ENDOU: variants seen among roughly 807,000 people sequenced by gnomAD.
The protein encoded by ENDOU is endonuclease, poly(U) specific.
ENDOU carries 49 observed loss-of-function variants against 54.2 expected under a neutral mutation model. That is an observed-to-expected ratio of 0.90 (90% CI 0.72 to 1.15). The LOEUF is 1.15. Among genes scored for constraint, ENDOU ranks in the 50% most tolerant of loss-of-function variants. The pLI is 0.00. For missense variants in ENDOU, 458 were observed against 511.4 expected, an observed-to-expected ratio of 0.90 and a Z score of 1.01; for synonymous variants, 172 against 190.5, an observed-to-expected ratio of 0.90 and a Z score of 0.80.
intron 1 of ENDOU, among the ~76,000 whole-genome samples, chr12:47,724,477 C>T (rs572173058): frequency 2.6e-5 from 4 of 152,316 alleles, no homozygotes; most frequent in South Asian, 4.1e-4. Context: ...AGCGAATTTC[C>T]AGTTCACTGA....
intron 6 of ENDOU, among the ~76,000 whole-genome samples, chr12:47,715,085 C>T (rs1940179575): frequency 6.6e-6 from 1 of 152,144 alleles, no homozygotes; most frequent in South Asian, 2.1e-4. Context: ...AAATAAATTG[C>T]CCAGGGTCAA....
At chr12:47,717,717 A>C (rs759406833) in intron 3 of ENDOU, 62 bp from the exon 4 acceptor site, 217 of 1,562,758 alleles carry the variant, frequency 1.4e-4, no homozygotes, top group Non-Finnish European at 1.8e-4. Context: ...AACGCCCCAC[A>C]GGCTGTCGCT....
intron 1 of ENDOU, among the ~76,000 whole-genome samples, chr12:47,722,088 G>A (rs1940451004): frequency 6.6e-6 from 1 of 152,214 alleles, no homozygotes; most frequent in African/African-American, 2.4e-5. Context: ...TCGGGGTTGA[G>A]GAATGTGTCA....
chr12:47,716,361 G>GA lies in ENDOU; in HGVS notation c.689dup (p.Leu231ProfsTer32). 6.2e-7 allele frequency: 1 copy of GA among 1,614,180 alleles called. No homozygotes were observed. The highest frequency in any genetic ancestry group is 8.5e-7 in the Non-Finnish European group (1 of 1,180,024). ...CTGCTGTCTTCATGATCTCTCTGAG[G>GA]AAGGCGTCCTGCTCGGCCAGCTCCT... On this transcript the variant is annotated frameshift_variant, in exon 6 of 10. Coordinates refer to ENST00000422538, the MANE Select transcript of ENDOU (RefSeq NM_001172439.2). LOFTEE classifies it high-confidence loss of function.
chr12:47,717,080 G>A, intron 4 of ENDOU, 22 bp from the exon 5 acceptor site: 1 of 1,612,550 alleles, frequency 6.2e-7, no homozygotes, highest in Non-Finnish European at 8.5e-7. Flanking sequence ...TGGAAGAGGG[G>A]TGGCCTCAGA....
At position 47,723,856 on chromosome 12, in the gene ENDOU, A is replaced by T. The variant is rs371067565; in HGVS notation, c.55+1503T>A. 1.6e-4 allele frequency among the ~76,000 whole-genome samples: 25 copies of T among 152,208 alleles called. No individual in the cohort carries two copies. In the East Asian group the frequency reaches 2.7e-3, roughly 16 times the overall value. On this transcript the variant is annotated intron_variant, in intron 1 of 9. Coordinates refer to ENST00000422538, the MANE Select transcript of ENDOU (RefSeq NM_001172439.2). ...CATTCACAACCAAAAAAATCAACCA[A>T]GGTTCTCCACAGACATCCAGCTCAT...
chr12:47,711,759 TC>T lies in ENDOU; in HGVS notation c.988del (p.Asp330MetfsTer46), dbSNP rs766111770. Reference sequence around the variant, plus strand: ...CCAGTTGAACTGCATTGCCAGCACATCGGGGTAAGAATCCCACTGTGGAGGG... The same window carrying T: ...CCAGTTGAACTGCATTGCCAGCACATGGGGTAAGAATCCCACTGTGGAGGG... ...IYDGPWDSYPDVLAMQFNWDG... is the reference protein window; with the variant it reads ...IYDGPWDSYPXVLAMQFNWDG... On this transcript the variant is annotated frameshift_variant, in exon 9 of 10. Coordinates refer to ENST00000422538, the MANE Select transcript of ENDOU (RefSeq NM_001172439.2). LOFTEE classifies it high-confidence loss of function. The T allele has an allele frequency of 1.2e-6, 2 of 1,613,976 alleles. No homozygotes were observed. The highest frequency in any genetic ancestry group is 4.5e-5 in the East Asian group (2 of 44,894).
At chr12:47,711,515 G>T in intron 9 of ENDOU, 118 bp downstream of exon 9, 1 of 1,235,512 alleles carries the variant, frequency 8.1e-7, no homozygotes, top group Non-Finnish European at 1.1e-6. Flanking sequence ...CCAAAGCACA[G>T]ATTTGTCCAA....
chr12:47,713,367 T>G lies in ENDOU; in HGVS notation c.773A>C (p.Glu258Ala), dbSNP rs754382720. Reference protein sequence around the residue: ...HHQNRYGSEQEFVDDLKNMWF... With the variant: ...HHQNRYGSEQAFVDDLKNMWF... ...CATGTTCTTCAAGTCATCGACAAACTCTTGCTCTGAGCCATAGCGATCTGC... is the reference window on the plus strand; with the variant it reads ...CATGTTCTTCAAGTCATCGACAAACGCTTGCTCTGAGCCATAGCGATCTGC... Residue 258 changes from glutamate (E) to alanine (A), a missense_variant, in exon 7 of 10, where the codon GAG becomes GCG. Physicochemically the swap from Glu to Ala is moderately radical, Grantham distance 107. Coordinates refer to ENST00000422538, the MANE Select transcript of ENDOU (RefSeq NM_001172439.2). 1 of 1,613,916 alleles carries G rather than the reference T, an allele frequency of 6.2e-7. No homozygotes were observed. Among genetic ancestry groups the G allele is most frequent in the South Asian group, 1.1e-5 (1 of 91,068 alleles).
rs770022332 is a variant in ENDOU, at chr12:47,720,714, G to T, written c.178+39C>A. On this transcript the variant is annotated intron_variant, in intron 2 of 9. Coordinates refer to ENST00000422538, the MANE Select transcript of ENDOU (RefSeq NM_001172439.2). ...GGACACCCAGGCCAGTGGCCCCTTA[G>T]ACAGGCTGGACATGCCTTCGTCTCA... 323 of 1,532,954 alleles carry T rather than the reference G, an allele frequency of 2.1e-4. 1 individual carries two copies. The highest frequency in any genetic ancestry group is 1.3e-4 in the Non-Finnish European group (149 of 1,145,184). The allele number at this position is 1,532,954 out of a possible 1,614,324, so 95.0% of individuals were successfully genotyped here. A position where few individuals can be genotyped will look rare whatever the true frequency, so the allele number is the denominator to read the frequency against.
Position 47,710,777 on chromosome 12 carries a change from T to C in ENDOU, c.*25A>G. ...CACTTCAGTCTCGCAAGAGCCCTCA[T>C]GCCCCTTTCTGGCTCGAAGTTCTAT... On this transcript the variant is annotated 3_prime_UTR_variant, in exon 10 of 10. Coordinates refer to ENST00000422538, the MANE Select transcript of ENDOU (RefSeq NM_001172439.2). 1 of 1,513,310 alleles carries C rather than the reference T, an allele frequency of 6.6e-7. No individual in the cohort carries two copies. The highest frequency in any genetic ancestry group is 1.4e-5 in the African/African-American group (1 of 73,030). The allele number at this position is 1,513,310 out of a possible 1,614,324, so 93.7% of individuals were successfully genotyped here. A position where few individuals can be genotyped will look rare whatever the true frequency, so the allele number is the denominator to read the frequency against.
intron 6 of ENDOU, 78 bp downstream of exon 6, chr12:47,716,222 C>T (rs1940225086): frequency 3.4e-6 from 5 of 1,454,060 alleles, no homozygotes; most frequent in Non-Finnish European, 4.8e-6. Context: ...ACCTGCCCTC[C>T]TAACCTTCCC....
At chr12:47,712,178 G>C (rs891846285) in intron 8 of ENDOU, among the ~76,000 whole-genome samples, 1 of 152,204 alleles carries the variant, frequency 6.6e-6, no homozygotes, top group Non-Finnish European at 1.5e-5. Context: ...AACTAGCCAG[G>C]CTGAAACTTT....
chr12:47,717,449 CCA>C, intron 4 of ENDOU, 67 bp downstream of exon 4: 1 of 1,542,978 alleles, frequency 6.5e-7, no homozygotes, highest in Non-Finnish European at 8.9e-7. Context: ...GGTCCAGGGA[CCA>C]CATGTTGAGA....
chr12:47,715,640 A>G (rs1940199981), intron 6 of ENDOU, among the ~76,000 whole-genome samples: 1 of 152,232 alleles, frequency 6.6e-6, no homozygotes, highest in Non-Finnish European at 1.5e-5. Context: ...GCCACCCCTG[A>G]GACAAAGCCC....
intron 1 of ENDOU, among the ~76,000 whole-genome samples, chr12:47,723,765 A>G (rs1940505510): frequency 6.6e-6 from 1 of 152,168 alleles, no homozygotes; most frequent in South Asian, 2.1e-4. Flanking sequence ...AGAAGGCCCC[A>G]GATGCTGTTT....
rs181945234 is a variant in ENDOU, at chr12:47,713,611, G to A, written c.752-223C>T. ...ATTCAGCTGGGAATAGCAAGGACACGGTCTCTATCTATATTACATTCCACT... is the reference window on the plus strand; with the variant it reads ...ATTCAGCTGGGAATAGCAAGGACACAGTCTCTATCTATATTACATTCCACT... On this transcript the variant is annotated intron_variant, in intron 6 of 9. Transcript: ENST00000422538. Among the ~76,000 whole-genome samples the A allele has an allele frequency of 3.0e-4, 45 of 152,202 alleles. 1 individual carries two copies. Among genetic ancestry groups the A allele is most frequent in the African/African-American group, 1.0e-3 (43 of 41,520 alleles).
chr12:47,717,111 G>C, intron 4 of ENDOU, 53 bp from the exon 5 acceptor site: 3 of 1,552,082 alleles, frequency 1.9e-6, no homozygotes, highest in Non-Finnish European at 1.8e-6. Flanking sequence ...AAGGGGGGCG[G>C]GCAGGAAATT....
In ENDOU at chr12:47,710,916, G is replaced by T; in HGVS notation, c.1119C>A (p.Cys373Ter). The T allele has an allele frequency of 6.2e-7, 1 of 1,605,338 alleles. No homozygotes were observed. Among genetic ancestry groups the T allele is most frequent in the Non-Finnish European group, 8.5e-7 (1 of 1,172,626 alleles). The change falls in exon 10 of 10, where the codon TGC (cysteine) becomes TGA (stop). Residue 373 changes from cysteine to a stop codon, truncating the protein, a stop_gained. Coordinates refer to ENST00000422538, the MANE Select transcript of ENDOU (RefSeq NM_001172439.2). LOFTEE classifies it high-confidence loss of function. ...AGGGATATCCTCCCAGGCTTAACTGGCACCTGTGGGGAAAGAGCCTGAAAT... is the reference window on the plus strand; with the variant it reads ...AGGGATATCCTCCCAGGCTTAACTGTCACCTGTGGGGAAAGAGCCTGAAAT... ...LCFIARPGKV[C>*]QLSLGGYPLA...
Sources: gnomAD v4.1 joint callset for allele counts (sites outside exome capture counted in the v4.1 genomes callset) on GRCh38, gnomAD v4.1.1 for gene constraint, MANE v1.5 for transcripts, NCBI Gene and HGNC (gene_info 2026-07-23, HGNC 2026-07-21) for gene names.